The following PTPRN2 variants were observed in gnomAD, a reference collection of about 807,000 sequenced individuals.
The protein encoded by PTPRN2 is receptor-type tyrosine-protein phosphatase N2.
Under a neutral mutation model 118.8 loss-of-function variants are expected in PTPRN2, and 74 were observed. The ratio of observed to expected loss-of-function variants is 0.62; its 90% CI spans 0.52 to 0.76. PTPRN2 has a LOEUF of 0.76. PTPRN2 is among the 30% of genes least tolerant of loss of function. The pLI is 0.00. For missense variants in PTPRN2, 1,481 were observed against 1,394.4 expected, an observed-to-expected ratio of 1.06 and a Z score of -0.99; for synonymous variants, 641 against 608.0, an observed-to-expected ratio of 1.05 and a Z score of -0.80.
intron 10 of PTPRN2, among the ~76,000 whole-genome samples, chr7:158,095,024 C>T (rs760727431): frequency 6.6e-6 from 1 of 152,110 alleles, no homozygotes; most frequent in African/African-American, 2.4e-5. Flanking sequence ...GGCCAGCATC[C>T]GTGGTGGGAG....
At chr7:157,789,569 C>T (rs1279101190) in intron 12 of PTPRN2, among the ~76,000 whole-genome samples, 2 of 152,238 alleles carry the variant, frequency 1.3e-5, no homozygotes, top group African/African-American at 4.8e-5. Flanking sequence ...TTCAGCCACA[C>T]ACCAGGTGGC....
At position 157,780,600 on chromosome 7, in the gene PTPRN2, G is replaced by A. The variant is rs1487740554; in HGVS notation, c.1789-97663C>T. 2.0e-5 allele frequency among the ~76,000 whole-genome samples: 3 copies of A among 152,238 alleles called. No individual in the cohort carries two copies. The highest frequency in any genetic ancestry group is 7.2e-5 in the African/African-American group (3 of 41,454). ...CTGGCTCTGCACGCCTTCACCGTGA[G>A]AGGCCCCTGGACAAGGGACTGCCTT... On this transcript the variant is annotated intron_variant, in intron 12 of 22. Coordinates refer to ENST00000389418, the MANE Select transcript of PTPRN2 (RefSeq NM_002847.5). The surrounding 1 kb of genome is among the most constrained non-coding windows in gnomAD (Gnocchi z 4.5).
intron 20 of PTPRN2, 133 bp from the exon 21 acceptor site, chr7:157,569,099 G>C (rs767413265): frequency 8.0e-6 from 7 of 879,864 alleles, no homozygotes; most frequent in Admixed American, 5.9e-5. Context: ...ATGTGAGAGG[G>C]GGAGGAAGGA....
chr7:157,999,079 C>T lies in PTPRN2; in HGVS notation c.1723+82219G>A, dbSNP rs779854112. On this transcript the variant is annotated intron_variant, in intron 11 of 22. Transcript: ENST00000389418. ...GAGCGGCCGTAGGGGTCCGCCCTGG[C>T]CCCTACACTATGCCCACCAAGAGGA... 1.3e-3 allele frequency among the ~76,000 whole-genome samples: 204 copies of T among 152,058 alleles called. 1 individual carries two copies. The highest frequency in any genetic ancestry group is 2.4e-3 in the Non-Finnish European group (162 of 67,980).
At chr7:158,258,327 C>A (rs118041716) in intron 3 of PTPRN2, among the ~76,000 whole-genome samples, 1 of 152,268 alleles carries the variant, frequency 6.6e-6, no homozygotes, top group Non-Finnish European at 1.5e-5. Context: ...GCGCGACTGG[C>A]GTGGAAAGGG....
intron 11 of PTPRN2, among the ~76,000 whole-genome samples, chr7:158,018,962 A>AAAAC (rs1322696503): frequency 7.0e-6 from 1 of 143,228 alleles, no homozygotes; most frequent in African/African-American, 2.6e-5. Flanking sequence ...CTTTGTTTCA[A>AAAAC]AAACAAAAAA....
intron 3 of PTPRN2, among the ~76,000 whole-genome samples, chr7:158,213,632 TA>T (rs1827766314): frequency 6.6e-6 from 1 of 152,164 alleles, no homozygotes; most frequent in Non-Finnish European, 1.5e-5. Context: ...CAAAGCAACT[TA>T]AAAACACCCA....
chr7:157,936,598 C>G (rs572850116), intron 11 of PTPRN2, among the ~76,000 whole-genome samples: 14 of 142,726 alleles, frequency 9.8e-5, no homozygotes, highest in Non-Finnish European at 1.6e-5. Context: ...GGACACCTCC[C>G]GTGTCTCCTC....
intron 2 of PTPRN2, among the ~76,000 whole-genome samples, chr7:158,448,277 A>G (rs1286268583): frequency 6.6e-6 from 1 of 152,234 alleles, no homozygotes; most frequent in East Asian, 1.9e-4. Context: ...GAACGGTAAC[A>G]TTATTTTAGT....
At chr7:158,132,029 A>G (rs1818364083) in intron 9 of PTPRN2, among the ~76,000 whole-genome samples, 1 of 151,864 alleles carries the variant, frequency 6.6e-6, no homozygotes, top group South Asian at 2.1e-4. Context: ...TCTATGACAT[A>G]TACACTCATA....
chr7:157,750,769 T>C (rs1001250564), intron 12 of PTPRN2, among the ~76,000 whole-genome samples: 1 of 152,240 alleles, frequency 6.6e-6, no homozygotes, highest in Admixed American at 6.5e-5. Context: ...ACCGCAGCGT[T>C]CAGCTCCTCA....
rs926032521 is a variant in PTPRN2, at chr7:157,974,164, T to G, written c.1724-75427A>C. On this transcript the variant is annotated intron_variant, in intron 11 of 22. Coordinates refer to ENST00000389418, the MANE Select transcript of PTPRN2 (RefSeq NM_002847.5). The surrounding 1 kb of genome is among the most constrained non-coding windows in gnomAD (Gnocchi z 4.0). ...AGGTCATGAGCGCCGGCCCTGCGGA[T>G]CCGGCGATGATCATTGTGGAAAGAA... is the stretch of plus-strand genomic sequence containing the variant. Among the ~76,000 whole-genome samples, 2 of 152,222 alleles carry G rather than the reference T, an allele frequency of 1.3e-5. No homozygotes were observed. The highest frequency in any genetic ancestry group is 4.8e-5 in the African/African-American group (2 of 41,470).
Position 157,929,824 on chromosome 7 carries a change from GTGT to G in PTPRN2, c.1724-31090_1724-31088del, listed in dbSNP as rs944750291. Among the ~76,000 whole-genome samples, 5 of 151,896 alleles carry G rather than the reference GTGT, an allele frequency of 3.3e-5. No individual in the cohort carries two copies. The highest frequency in any genetic ancestry group is 1.2e-4 in the African/African-American group (5 of 41,404). Reference sequence around the variant, plus strand: ...GAACCTTTCCCAGTGCCCACTGGTGGTGTTCCCGGGACACCAGGCACTGGAGGT... The same window carrying G: ...GAACCTTTCCCAGTGCCCACTGGTGGTCCCGGGACACCAGGCACTGGAGGT... On this transcript the variant is annotated intron_variant, in intron 11 of 22. Coordinates refer to ENST00000389418, the MANE Select transcript of PTPRN2 (RefSeq NM_002847.5). This position sits in a 1 kb window ranked among gnomAD's most constrained non-coding sequence, Gnocchi z 4.4.
At chr7:157,594,387 G>A (rs1204348315) in intron 17 of PTPRN2, among the ~76,000 whole-genome samples, 1 of 107,672 alleles carries the variant, frequency 9.3e-6, no homozygotes, top group African/African-American at 4.7e-5. Context: ...TCGCCAGGAG[G>A]CCCGGGCTTT....
chr7:157,630,144 C>T (rs1803849436), intron 14 of PTPRN2, among the ~76,000 whole-genome samples: 1 of 152,176 alleles, frequency 6.6e-6, no homozygotes, highest in Non-Finnish European at 1.5e-5. Context: ...TGGCTCAGCA[C>T]ACACAGCTAT....
chr7:158,289,163 T>C (rs1228696376), intron 3 of PTPRN2, among the ~76,000 whole-genome samples: 2 of 152,230 alleles, frequency 1.3e-5, no homozygotes, highest in Admixed American at 6.5e-5. Context: ...TTATTTGGAT[T>C]CAATCTAATC....
chr7:157,715,216 G>T (rs1171986515), intron 12 of PTPRN2, among the ~76,000 whole-genome samples: 1 of 152,232 alleles, frequency 6.6e-6, no homozygotes, highest in Non-Finnish European at 1.5e-5. Flanking sequence ...GAGGGCTGGA[G>T]GCGGGAGTCC....
At chr7:158,424,477 G>A (rs1198249637) in intron 2 of PTPRN2, among the ~76,000 whole-genome samples, 1 of 152,118 alleles carries the variant, frequency 6.6e-6, no homozygotes, top group Non-Finnish European at 1.5e-5. Flanking sequence ...TGTGACCACC[G>A]GAGATGAATA....
chr7:158,331,970 G>A (rs1397514690), intron 2 of PTPRN2, among the ~76,000 whole-genome samples: 1 of 151,060 alleles, frequency 6.6e-6, no homozygotes, highest in African/African-American at 2.5e-5. Context: ...GCTGACAACT[G>A]AAGACGTCAC....
Sources: allele counts gnomAD v4.1 joint callset (sites outside exome capture counted in the v4.1 genomes callset), GRCh38; gene constraint gnomAD v4.1.1; non-coding constraint Gnocchi (gnomAD v3.1); transcripts MANE v1.5; gene names NCBI Gene and HGNC (gene_info 2026-07-23, HGNC 2026-07-21).